Variants in MACC1 observed in about 807,000 individuals in gnomAD.
MACC1 encodes the protein metastasis-associated in colon cancer protein 1.
Under a neutral mutation model 70.7 loss-of-function variants are expected in MACC1, and 79 were observed. The ratio of observed to expected loss-of-function variants is 1.12; its 90% CI spans 0.93 to 1.35. MACC1 has a LOEUF of 1.35. Among genes scored for constraint, MACC1 ranks in the 40% most tolerant of loss-of-function variants. The probability of loss-of-function intolerance (pLI) is 0.00; values close to 1 mark genes in which losing one functional copy is unlikely to be tolerated. For synonymous variants in MACC1, 361 were observed against 347.2 expected, an observed-to-expected ratio of 1.04 and a Z score of -0.44; for missense variants, 1,106 against 978.1, an observed-to-expected ratio of 1.13 and a Z score of -1.74.
intron 5 of MACC1, among the ~76,000 whole-genome samples, chr7:20,155,320 C>A (rs1782039538): frequency 6.6e-6 from 1 of 152,212 alleles, no homozygotes; most frequent in Non-Finnish European, 1.5e-5. Flanking sequence ...AAATTTTATA[C>A]ACACTGTGTT....
chr7:20,143,374 G>A (rs1781836401), intron 6 of MACC1, among the ~76,000 whole-genome samples: 2 of 152,124 alleles, frequency 1.3e-5, no homozygotes, highest in African/African-American at 4.8e-5. Flanking sequence ...GCAATTTGTT[G>A]TTGTTGTTGT....
chr7:20,187,143 G>A (rs888483953), intron 1 of MACC1, among the ~76,000 whole-genome samples: 4 of 152,136 alleles, frequency 2.6e-5, no homozygotes, highest in African/African-American at 9.7e-5. Flanking sequence ...GTAAACACAT[G>A]TAAATGGTAA....
intron 1 of MACC1, among the ~76,000 whole-genome samples, chr7:20,181,513 T>G (rs915706741): frequency 6.6e-6 from 1 of 152,102 alleles, no homozygotes; most frequent in Non-Finnish European, 1.5e-5. Flanking sequence ...AATCATTGTA[T>G]TAATTTAATA....
At chr7:20,186,885 T>C (rs1027418562) in intron 1 of MACC1, among the ~76,000 whole-genome samples, 1 of 152,206 alleles carries the variant, frequency 6.6e-6, no homozygotes, top group African/African-American at 2.4e-5. Context: ...TTTAACAGCA[T>C]AACGTATGCT....
At chr7:20,209,116 C>T (rs1052285570) in intron 1 of MACC1, among the ~76,000 whole-genome samples, 6 of 152,158 alleles carry the variant, frequency 3.9e-5, no homozygotes, top group Non-Finnish European at 2.9e-5. Flanking sequence ...ATGGGGCCCT[C>T]ATAGAGAACC....
At chr7:20,207,840 A>G (rs1044363925) in intron 1 of MACC1, among the ~76,000 whole-genome samples, 1 of 152,310 alleles carries the variant, frequency 6.6e-6, no homozygotes, top group Admixed American at 6.5e-5. Context: ...GGTTAACAGG[A>G]TATACACACT....
At chr7:20,160,395 T>C (rs184284785) in intron 4 of MACC1, 150 bp from the exon 5 acceptor site, 1 of 898,730 alleles carries the variant, frequency 1.1e-6, no homozygotes, top group Admixed American at 3.4e-5. Context: ...ATAAACTCAA[T>C]GTTAAATTTG....
chr7:20,147,090 G>A (rs1274167031), intron 6 of MACC1, among the ~76,000 whole-genome samples: 1 of 152,162 alleles, frequency 6.6e-6, no homozygotes, highest in East Asian at 1.9e-4. Flanking sequence ...TATCTTTTCA[G>A]TGTTATAGGA....
chr7:20,165,466 C>T (rs1214808830), intron 2 of MACC1, among the ~76,000 whole-genome samples: 1 of 152,002 alleles, frequency 6.6e-6, no homozygotes, highest in Non-Finnish European at 1.5e-5. Flanking sequence ...ACAAACACAT[C>T]CCTCCATCCC....
At chr7:20,149,587 T>C (rs1781944978) in intron 6 of MACC1, among the ~76,000 whole-genome samples, 1 of 152,106 alleles carries the variant, frequency 6.6e-6, no homozygotes, top group South Asian at 2.1e-4. Context: ...CAGCCAAGAA[T>C]CTTAACCTCT....
At chr7:20,167,267 C>G (rs1782235076) in intron 2 of MACC1, among the ~76,000 whole-genome samples, 1 of 151,800 alleles carries the variant, frequency 6.6e-6, no homozygotes, top group African/African-American at 2.4e-5. Flanking sequence ...GTGATCTCAG[C>G]TCACTGCAAC....
intron 2 of MACC1, among the ~76,000 whole-genome samples, chr7:20,168,831 A>G (rs2128104085): frequency 6.6e-6 from 1 of 152,352 alleles, no homozygotes; most frequent in South Asian, 2.1e-4. Flanking sequence ...TTTTCAAGTC[A>G]GAGCTGACTG....
intron 6 of MACC1, among the ~76,000 whole-genome samples, chr7:20,143,542 C>T (rs1310342719): frequency 2.0e-5 from 3 of 152,182 alleles, no homozygotes; most frequent in Admixed American, 6.5e-5. Flanking sequence ...GCACGCGCCA[C>T]CACGCCCAGC....
chr7:20,179,790 C>G (rs1041621834), intron 1 of MACC1, among the ~76,000 whole-genome samples: 4 of 152,150 alleles, frequency 2.6e-5, no homozygotes, highest in Non-Finnish European at 5.9e-5. Flanking sequence ...GGTCTTCTGT[C>G]TCAAACAAAG....
intron 1 of MACC1, among the ~76,000 whole-genome samples, chr7:20,185,701 A>G (rs892944495): frequency 6.6e-6 from 1 of 152,226 alleles, no homozygotes; most frequent in Non-Finnish European, 1.5e-5. Flanking sequence ...GAGACTGTCC[A>G]ATGTACGTTA....
chr7:20,135,501 T>C lies in MACC1; in HGVS notation c.*5445A>G, dbSNP rs1369993648. On this transcript the variant is annotated 3_prime_UTR_variant, in exon 7 of 7. Coordinates refer to ENST00000400331, the MANE Select transcript of MACC1 (RefSeq NM_182762.4). ...TCTATAGAGATGAAGGAAATTTTAA[T>C]ACAGTGGTTCTCAAACTGGGGTCCC... 6.6e-6 allele frequency: 1 copy of C among 152,194 alleles called. No homozygotes were observed. The highest frequency in any genetic ancestry group is 1.5e-5 in the Non-Finnish European group (1 of 68,036). 9.4% of individuals were successfully genotyped at this position (152,194 alleles called of 1,614,324 possible).
chr7:20,190,021 G>C (rs187627827), intron 1 of MACC1, among the ~76,000 whole-genome samples: 1 of 152,066 alleles, frequency 6.6e-6, no homozygotes, highest in Non-Finnish European at 1.5e-5. Flanking sequence ...CTTCTTAGAA[G>C]GGCACTAATC....
chr7:20,181,067 G>A (rs914235130), intron 1 of MACC1, among the ~76,000 whole-genome samples: 11 of 138,294 alleles, frequency 8.0e-5, no homozygotes, highest in African/African-American at 3.1e-4. Flanking sequence ...ACTGTTCTAA[G>A]GATGTATGTG....
chr7:20,169,261 C>T (rs1300628389), intron 2 of MACC1, among the ~76,000 whole-genome samples: 2 of 152,184 alleles, frequency 1.3e-5, no homozygotes, highest in African/African-American at 4.8e-5. Context: ...AATAAATTAG[C>T]TACAAATCTT....
Sources: allele counts gnomAD v4.1 joint callset (sites outside exome capture counted in the v4.1 genomes callset), GRCh38; gene constraint gnomAD v4.1.1; transcripts MANE v1.5; gene names NCBI Gene and HGNC (gene_info 2026-07-23, HGNC 2026-07-21).